PDXDC1: variants seen among roughly 807,000 people sequenced by gnomAD.
PDXDC1 encodes pyridoxal-dependent decarboxylase domain-containing protein 1.
A neutral mutation model predicts 100.1 loss-of-function variants in PDXDC1; 42 were observed. The observed-to-expected ratio is 0.42, with a 90% CI of 0.33 to 0.54. The LOEUF is 0.54. Among genes scored for constraint, PDXDC1 ranks in the 20% least tolerant of loss-of-function variants. PDXDC1 has a pLI of 0.10. For synonymous variants in PDXDC1, 260 were observed against 371.7 expected, an observed-to-expected ratio of 0.70 and a Z score of 3.46; for missense variants, 636 against 979.2, an observed-to-expected ratio of 0.65 and a Z score of 4.68.
At chr16:15,149,939 G>C in the PDXDC1 span, among the ~76,000 whole-genome samples, 2 of 152,144 alleles carry the variant, frequency 1.3e-5, no homozygotes, top group South Asian at 2.1e-4. Context: ...CCACGGAGGA[G>C]ACACCATGGA....
intron 14 of PDXDC1, among the ~76,000 whole-genome samples, chr16:15,027,189 T>C (rs1408504140): frequency 1.3e-5 from 2 of 152,276 alleles, no homozygotes; most frequent in East Asian, 3.8e-4. Context: ...GGGTTATAAG[T>C]GGAAGTCACA....
At chr16:15,104,337 T>G in intron 16 of PDXDC1, 1 of 1,583,926 alleles carries the variant, frequency 6.3e-7, no homozygotes, top group Non-Finnish European at 8.5e-7. Context: ...TATTATTTAT[T>G]TATTCTTCGT....
intron 16 of PDXDC1, among the ~76,000 whole-genome samples, chr16:15,122,861 G>GGGGAAGGGGA: frequency 1.5e-5 from 1 of 67,056 alleles, no homozygotes; most frequent in Non-Finnish European, 3.6e-5. Context: ...GGGGAAGGGG[G>GGGGAAGGGGA]GAGTAAGGGA....
chr16:15,141,068 C>A (rs543846948), downstream of PDXDC1, among the ~76,000 whole-genome samples: 6 of 149,456 alleles, frequency 4.0e-5, no homozygotes, highest in South Asian at 1.3e-3. Flanking sequence ...CCCTGAGCAC[C>A]CGCCCAGCCC....
rs774004316 is a variant in PDXDC1 at position 15,044,440 on chromosome 16, A to G, written c.1399+14384A>G. 2.1e-6 allele frequency: 3 copies of G among 1,431,334 alleles called. No homozygotes were observed. The Admixed American group carries it at 5.0e-5, about 24-fold the overall frequency. 88.7% of individuals were successfully genotyped at this position (1,431,334 alleles called of 1,614,324 possible). ...AGAGATGAGACGGGTCAGAGGCCAG[A>G]AGAAGACACCGGTGCGTGCGCTGGT... On this transcript the variant is annotated intron_variant, in intron 16 of 16. Coordinates refer to the PDXDC1 transcript ENST00000535621.
downstream of PDXDC1, among the ~76,000 whole-genome samples, chr16:15,142,620 C>T (rs1027447862): frequency 3.9e-5 from 6 of 152,150 alleles, no homozygotes; most frequent in Non-Finnish European, 8.8e-5. Flanking sequence ...GGGACCAGTA[C>T]AGGGATCCCC....
chr16:15,146,444 A>G, the PDXDC1 span, among the ~76,000 whole-genome samples: 1 of 152,092 alleles, frequency 6.6e-6, no homozygotes, highest in Non-Finnish European at 1.5e-5. Context: ...AGTGAGGACG[A>G]TACTCGCGGC....
Position 15,033,294 on chromosome 16 carries a change from C to A in PDXDC1, c.1707C>A (p.Ser569Arg). ...LTFKIGPEYK[S>R]MKSCLYVGMA... ...CCTTTGCAGGCCCTGAGTATAAGAGCATGAAGAGCTGCCTTTATGTCGGCA... is the reference window on the plus strand; with the variant it reads ...CCTTTGCAGGCCCTGAGTATAAGAGAATGAAGAGCTGCCTTTATGTCGGCA... The change falls in exon 19 of 23, where the codon AGC (serine) becomes AGA (arginine). Residue 569 changes from serine (S) to arginine (R), a missense_variant. This residue lies in a region of PDXDC1 where 452 missense variants were observed against 402.9 expected (regional missense o/e 1.12). Transcript: ENST00000396410. The A allele has an allele frequency of 4.3e-6, 7 of 1,614,182 alleles. No individual in the cohort carries two copies. Among genetic ancestry groups the A allele is most frequent in the Non-Finnish European group, 5.9e-6 (7 of 1,180,010 alleles).
At chr16:15,127,111 G>A (rs2047777540) in intron 16 of PDXDC1, 1 of 358,912 alleles carries the variant, frequency 2.8e-6, no homozygotes, top group East Asian at 7.2e-5. Context: ...GTTTCTAAGG[G>A]ACTAACTCGG....
the PDXDC1 span, among the ~76,000 whole-genome samples, chr16:15,150,338 CTCAAA>C: frequency 6.9e-6 from 1 of 145,460 alleles, no homozygotes; most frequent in Admixed American, 6.9e-5. Context: ...GAGACTCCAT[CTCAAA>C]TAACAATAAA....
In PDXDC1 at chr16:14,977,098, ACTCT is replaced by A. The variant is rs1328365889; in HGVS notation, c.21+1882_21+1885del. Among the ~76,000 whole-genome samples, 11 of 152,356 alleles carry A rather than the reference ACTCT, an allele frequency of 7.2e-5. No homozygotes were observed. In the South Asian group the frequency reaches 1.9e-3, roughly 26 times the overall value. On this transcript the variant is annotated intron_variant, in intron 1 of 22. Coordinates refer to ENST00000396410, the MANE Select transcript of PDXDC1 (RefSeq NM_015027.4). ...GTTAATTGATGATAAAAGATCTTAA[ACTCT>A]CTCAATGAGGATCGCAAGAGGGACT...
At chr16:15,117,317 G>GCC (rs2047266137) in intron 16 of PDXDC1, among the ~76,000 whole-genome samples, 1 of 108,908 alleles carries the variant, frequency 9.2e-6, no homozygotes, top group Non-Finnish European at 1.9e-5. Flanking sequence ...AAAGGGGGTT[G>GCC]GTTTATGCTG....
rs374296900 is a variant in PDXDC1 at position 15,080,063 on chromosome 16, C to A, written c.1399+50007C>A. 5 of 1,602,098 alleles carry A rather than the reference C, an allele frequency of 3.1e-6. No homozygotes were observed. In the Admixed American group the frequency reaches 6.9e-5, roughly 22 times the overall value. On this transcript the variant is annotated intron_variant, in intron 16 of 16. Transcript: ENST00000535621. ...TCATGCCTCAAGGTTGGAAAATATA[C>A]ACTAATCCTTAGTAAGTTATGAACG... is the stretch of plus-strand genomic sequence containing the variant.
In PDXDC1 at chr16:15,036,918, GT is replaced by G. The variant is rs1270213119; in HGVS notation, c.*646del. ...AAGGCCATTTCTCCCATTATATACCGTTTGTAAAGAGAAACTGTAAAGTCTC... is the reference window on the plus strand; with the variant it reads ...AAGGCCATTTCTCCCATTATATACCGTTGTAAAGAGAAACTGTAAAGTCTC... On this transcript the variant is annotated 3_prime_UTR_variant, in exon 23 of 23. Transcript: ENST00000396410. 2.0e-5 allele frequency: 3 copies of G among 152,594 alleles called. No homozygotes were observed. The highest frequency in any genetic ancestry group is 7.2e-5 in the African/African-American group (3 of 41,396). 9.5% of individuals were successfully genotyped at this position (152,594 alleles called of 1,614,324 possible). A position where few individuals can be genotyped will look rare whatever the true frequency, so the allele number is the denominator to read the frequency against.
At chr16:15,125,915 G>C (rs374680701) in intron 16 of PDXDC1, 5 of 652,996 alleles carry the variant, frequency 7.7e-6, no homozygotes, top group African/African-American at 7.1e-5. Context: ...CCATCTGACA[G>C]AATGTCCTAG....
chr16:15,035,640 A>T, intron 22 of PDXDC1, 87 bp downstream of exon 22: 1 of 716,012 alleles, frequency 1.4e-6, no homozygotes, highest in Non-Finnish European at 2.3e-6. Flanking sequence ...CTTGAACTCC[A>T]GAGGTCTATT....
chr16:15,137,439 T>C (rs2048383750), intron 16 of PDXDC1: 4 of 1,269,190 alleles, frequency 3.2e-6, no homozygotes, highest in South Asian at 2.5e-5. Context: ...CAGAAGGCGC[T>C]GCAGGCCTCT....
chr16:15,135,080 G>C, intron 16 of PDXDC1: 2 of 596,876 alleles, frequency 3.4e-6, no homozygotes, highest in Non-Finnish European at 6.1e-6. Context: ...AGCATATGTG[G>C]CTTGAAGACT....
chr16:15,128,177 C>T (rs749128713), intron 16 of PDXDC1: 1 of 1,610,680 alleles, frequency 6.2e-7, no homozygotes, highest in Admixed American at 1.7e-5. Flanking sequence ...CAGGGCGCCC[C>T]AACGCGGGGG....
Sources: allele counts gnomAD v4.1 joint callset (sites outside exome capture counted in the v4.1 genomes callset), GRCh38; gene constraint gnomAD v4.1.1; regional missense constraint gnomAD v4.1.1; transcripts MANE v1.5; gene names NCBI Gene and HGNC (gene_info 2026-07-23, HGNC 2026-07-21).